Variants in FNBP1L observed in about 807,000 individuals in gnomAD.
FNBP1L encodes formin binding protein 1 like.
In FNBP1L, 36 loss-of-function variants were observed where a neutral mutation model predicts 91.2. The ratio of observed to expected loss-of-function variants is 0.39; its 90% CI spans 0.30 to 0.52. The LOEUF (loss-of-function observed/expected upper bound fraction) is 0.52. FNBP1L is among the 20% of genes least tolerant of loss of function. FNBP1L has a pLI of 0.66. For synonymous variants in FNBP1L, 242 were observed against 237.0 expected (o/e 1.02, Z -0.19); for missense variants, 571 against 732.1 (o/e 0.78, Z 2.54).
At chr1:93,550,865 A>G (rs1470527378) in intron 15 of FNBP1L, 82 bp from the exon 16 acceptor site, 2 of 1,289,568 alleles carry the variant, frequency 1.6e-6, no homozygotes, top group African/African-American at 1.5e-5. Flanking sequence ...GTAGGGTTTC[A>G]TTGTATTTTG....
chr1:93,513,752 T>C (rs1297523348), intron 2 of FNBP1L, among the ~76,000 whole-genome samples: 10 of 152,202 alleles, frequency 6.6e-5, no homozygotes, highest in Admixed American at 2.6e-4. Context: ...ATAAATTAGA[T>C]ATTGATGGGA....
chr1:93,474,301 A>G (rs1669416432), intron 1 of FNBP1L, among the ~76,000 whole-genome samples: 1 of 152,162 alleles, frequency 6.6e-6, no homozygotes, highest in Non-Finnish European at 1.5e-5. Flanking sequence ...GATGCCTCCA[A>G]TCGACTGAAC....
intron 1 of FNBP1L, among the ~76,000 whole-genome samples, chr1:93,469,330 G>A: frequency 6.8e-6 from 1 of 147,596 alleles, no homozygotes; most frequent in Non-Finnish European, 1.5e-5. Flanking sequence ...GTGAGAGCAT[G>A]CAGTGTTTGG....
chr1:93,513,986 G>A (rs528397161), intron 2 of FNBP1L, among the ~76,000 whole-genome samples: 17 of 152,162 alleles, frequency 1.1e-4, no homozygotes, highest in African/African-American at 3.9e-4. Flanking sequence ...AATTGTCCCT[G>A]TTTGCAGACG....
chr1:93,505,676 C>T (rs11164941), intron 2 of FNBP1L, among the ~76,000 whole-genome samples: 15,413 of 152,150 alleles, frequency 0.1, 1,145 homozygotes, highest in East Asian at 0.32. Context: ...AATGTTAGCA[C>T]AGGTCTTTAA....
intron 1 of FNBP1L, among the ~76,000 whole-genome samples, chr1:93,494,265 T>C (rs1332333619): frequency 1.3e-5 from 2 of 152,142 alleles, no homozygotes; most frequent in Non-Finnish European, 2.9e-5. Context: ...AAGAGGTACC[T>C]AGGGTAAGAT....
Position 93,544,116 on chromosome 1 carries a change from C to G in FNBP1L, c.1174C>G (p.Leu392Val). Reference sequence around the variant, plus strand: ...TAGATTCTCTTTTCAGGGCCCAGCACTAGAAGATTTCAGTCATCTGCCACC... The same window carrying G: ...TAGATTCTCTTTTCAGGGCCCAGCAGTAGAAGATTTCAGTCATCTGCCACC... ...RGWSVKMGPA[L>V]EDFSHLPPEQ... Residue 392 changes from leucine to valine, a missense_variant, in exon 12 of 17, where the codon CTA becomes GTA. Transcript: ENST00000271234. 3 of 1,606,580 alleles carry G rather than the reference C, an allele frequency of 1.9e-6. No homozygotes were observed. Among genetic ancestry groups the G allele is most frequent in the Non-Finnish European group, 8.5e-7 (1 of 1,175,832 alleles).
At chr1:93,551,706 G>C (rs1672421773) in intron 16 of FNBP1L, 1 of 984,224 alleles carries the variant, frequency 1.0e-6, no homozygotes, top group Non-Finnish European at 1.2e-6. Flanking sequence ...ATCTATTTAA[G>C]TAGATTTAAA....
intron 2 of FNBP1L, among the ~76,000 whole-genome samples, chr1:93,514,187 T>TA (rs1478166089): frequency 6.6e-6 from 1 of 152,062 alleles, no homozygotes; most frequent in Non-Finnish European, 1.5e-5. Flanking sequence ...GGGAATAAAA[T>TA]ACCTAGGAAT....
intron 8 of FNBP1L, among the ~76,000 whole-genome samples, chr1:93,533,625 G>A (rs1671755062): frequency 6.6e-6 from 1 of 152,202 alleles, no homozygotes; most frequent in Non-Finnish European, 1.5e-5. Context: ...AGAAACTGAG[G>A]AAAGGCAGTG....
intron 2 of FNBP1L, among the ~76,000 whole-genome samples, chr1:93,512,752 C>T (rs1248655214): frequency 6.6e-6 from 1 of 151,926 alleles, no homozygotes; most frequent in Non-Finnish European, 1.5e-5. Context: ...ATACCAGAGT[C>T]TCTGGGACGC....
chr1:93,511,960 C>A (rs1444949547), intron 2 of FNBP1L, among the ~76,000 whole-genome samples: 1 of 80,992 alleles, frequency 1.2e-5, no homozygotes, highest in Non-Finnish European at 2.5e-5. Flanking sequence ...AGCGAGACTC[C>A]GTCTCAAAAA....
intron 1 of FNBP1L, among the ~76,000 whole-genome samples, chr1:93,465,068 C>G (rs960629019): frequency 6.6e-6 from 1 of 151,912 alleles, no homozygotes; most frequent in Non-Finnish European, 1.5e-5. Context: ...TCCTCTCAAA[C>G]TAAGGCTGAG....
At chr1:93,501,582 T>C (rs1235349068) in intron 2 of FNBP1L, among the ~76,000 whole-genome samples, 2 of 152,154 alleles carry the variant, frequency 1.3e-5, no homozygotes, top group Non-Finnish European at 2.9e-5. Context: ...GGATCCCTCA[T>C]GACCCAGACA....
rs893981725 is a variant in FNBP1L at position 93,553,987 on chromosome 1, T to C, written c.*1571T>C. ...CTTTAATAACTTTTTCCCAGTGTTA[T>C]TTGAATCATACTACCCGTTATACTA... On this transcript the variant is annotated 3_prime_UTR_variant, in exon 17 of 17. Coordinates refer to ENST00000271234, the MANE Select transcript of FNBP1L (RefSeq NM_001164473.3). 6.6e-6 allele frequency: 1 copy of C among 152,650 alleles called. No homozygotes were observed. Among genetic ancestry groups the C allele is most frequent in the Non-Finnish European group, 1.5e-5 (1 of 68,044 alleles). 9.5% of individuals were successfully genotyped at this position (152,650 alleles called of 1,614,324 possible). A position where few individuals can be genotyped will look rare whatever the true frequency, so the allele number is the denominator to read the frequency against.
Position 93,544,118 on chromosome 1 carries a change from A to G in FNBP1L, c.1176A>G (p.Leu392=), listed in dbSNP as rs772978998. Residue 392 remains leucine (L), a synonymous_variant, in exon 12 of 17, where the codon CTA becomes CTG. Transcript: ENST00000271234. ...GATTCTCTTTTCAGGGCCCAGCACT[A>G]GAAGATTTCAGTCATCTGCCACCAG... ...RGWSVKMGPA[L]EDFSHLPPEQ... 4 of 1,607,930 alleles carry G rather than the reference A, an allele frequency of 2.5e-6. No homozygotes were observed. Among genetic ancestry groups the G allele is most frequent in the Non-Finnish European group, 3.4e-6 (4 of 1,176,464 alleles).
At chr1:93,486,028 C>G (rs1040733035) in intron 1 of FNBP1L, among the ~76,000 whole-genome samples, 3 of 152,120 alleles carry the variant, frequency 2.0e-5, no homozygotes, top group African/African-American at 7.2e-5. Context: ...AATCTTTTCA[C>G]TTTAGAATTG....
intron 9 of FNBP1L, among the ~76,000 whole-genome samples, chr1:93,535,534 CTTA>C (rs924667241): frequency 1.3e-5 from 2 of 151,916 alleles, no homozygotes; most frequent in African/African-American, 4.8e-5. Context: ...GTACTCGTGT[CTTA>C]TTAGTAAGGA....
chr1:93,544,943 T>C (rs1672169778), intron 12 of FNBP1L, among the ~76,000 whole-genome samples: 1 of 152,152 alleles, frequency 6.6e-6, no homozygotes, highest in South Asian at 2.1e-4. Flanking sequence ...TACTGAAACA[T>C]TGCTCTTAGG....
Sources: gnomAD v4.1 joint callset for allele counts (sites outside exome capture counted in the v4.1 genomes callset) on GRCh38, gnomAD v4.1.1 for gene constraint, MANE v1.5 for transcripts, NCBI Gene and HGNC (gene_info 2026-07-23, HGNC 2026-07-21) for gene names.